Variants in SRFBP1 observed in about 807,000 individuals in gnomAD.
SRFBP1 encodes serum response factor-binding protein 1.
A neutral mutation model predicts 45.5 loss-of-function variants in SRFBP1; 47 were observed. That is an observed-to-expected ratio of 1.03 (90% CI 0.82 to 1.32). The LOEUF (loss-of-function observed/expected upper bound fraction) is 1.32. SRFBP1 is among the 40% of genes most tolerant of loss of function. The pLI, the probability that SRFBP1 is intolerant of heterozygous loss-of-function variation, is 0.00. For synonymous variants in SRFBP1, 203 were observed against 166.3 expected (o/e 1.22, Z -1.70); for missense variants, 621 against 484.6 (o/e 1.28, Z -2.64).
At chr5:122,013,727 A>G (rs1753140769) in intron 4 of SRFBP1, among the ~76,000 whole-genome samples, 1 of 152,186 alleles carries the variant, frequency 6.6e-6, no homozygotes. Flanking sequence ...ATTACAAAGA[A>G]CAAAAAGTCT....
chr5:122,057,925 C>A (rs867004928), intron 2 of SRFBP1, among the ~76,000 whole-genome samples: 2 of 152,098 alleles, frequency 1.3e-5, no homozygotes, highest in Non-Finnish European at 2.9e-5. Flanking sequence ...GCAATTCTCC[C>A]TCCTCAGCCT....
At chr5:122,005,142 T>C (rs1049599023) in intron 4 of SRFBP1, among the ~76,000 whole-genome samples, 3 of 152,196 alleles carry the variant, frequency 2.0e-5, no homozygotes, top group African/African-American at 7.2e-5. Context: ...AAATGTTCTG[T>C]AGATGTCTAT....
At chr5:122,002,156 G>C (rs1462483283) in intron 4 of SRFBP1, among the ~76,000 whole-genome samples, 1 of 152,120 alleles carries the variant, frequency 6.6e-6, no homozygotes, top group Non-Finnish European at 1.5e-5. Context: ...TTTTGATTGG[G>C]AGAGAATTAC....
chr5:122,038,501 AGTTTGCAAGCAAAACAAAAAT>A (rs1339584948), intron 2 of SRFBP1, among the ~76,000 whole-genome samples: 12 of 152,230 alleles, frequency 7.9e-5, no homozygotes, highest in African/African-American at 2.7e-4. Flanking sequence ...ATCATTTACT[AGTTTGCAAGCAAAACAAAAAT>A]GAAAAGCAAA....
intron 4 of SRFBP1, among the ~76,000 whole-genome samples, chr5:121,995,500 G>A (rs1033819012): frequency 2.6e-5 from 4 of 152,020 alleles, no homozygotes; most frequent in African/African-American, 7.2e-5. Context: ...GAATCTCTGG[G>A]ACACATTCAA....
At position 122,070,602 on chromosome 5, in the gene SRFBP1, A is replaced by G. The variant is rs2979866; in HGVS notation, n.312-4713A>G. 6 of 1,451,936 alleles carry G rather than the reference A, an allele frequency of 4.1e-6. No homozygotes were observed. The African/African-American group carries it at 7.0e-5, about 17-fold the overall frequency. The allele number at this position is 1,451,936 out of a possible 1,614,324, so 89.9% of individuals were successfully genotyped here. On this transcript the variant is annotated intron_variant and non_coding_transcript_variant, in intron 2 of 2. Transcript: ENST00000504881. ...CAGGACTCAATCCCTAAGATAAACA[A>G]AATAAAAAATTTAAAATTATGGTAT... is the stretch of plus-strand genomic sequence containing the variant.
At chr5:122,077,584 G>C, downstream of SRFBP1, 1 of 1,612,722 alleles carries the variant, frequency 6.2e-7, no homozygotes, top group South Asian at 1.1e-5. The surrounding 1 kb of genome is among the most constrained non-coding windows in gnomAD (Gnocchi z 4.9). Context: ...CAGCTTCGCG[G>C]GCTCTAGATG....
chr5:122,068,794 CAG>C (rs1754371551), intron 2 of SRFBP1, among the ~76,000 whole-genome samples: 2 of 151,906 alleles, frequency 1.3e-5, no homozygotes, highest in South Asian at 2.1e-4. Context: ...CATCAACAAA[CAG>C]TACAAAAATG....
downstream of SRFBP1, chr5:122,075,647 A>C (rs866734707): frequency 2.9e-6 from 2 of 699,596 alleles, no homozygotes; most frequent in African/African-American, 1.8e-5. Context: ...CTCCTTTCCC[A>C]ACTAGACTAT....
chr5:121,980,908 A>G (rs1013182804), intron 3 of SRFBP1, among the ~76,000 whole-genome samples: 3 of 152,110 alleles, frequency 2.0e-5, no homozygotes, highest in African/African-American at 4.8e-5. Context: ...CGGATAAAGT[A>G]TCCTGAATTC....
Position 122,020,108 on chromosome 5 carries a change from G to T in SRFBP1, c.373G>T (p.Glu125Ter). The change falls in exon 6 of 8, where the codon GAA (glutamate) becomes TAA (stop). Residue 125 changes from glutamate (E) to a stop codon, truncating the protein, a stop_gained. Transcript: ENST00000339397. LOFTEE classifies it high-confidence loss of function. ...VLKAAVQAFK[E>*]ARQNVAEVES... Reference sequence around the variant, plus strand: ...TGCAGCTGCTGTACAAGCCTTTAAAGAAGCAAGACAAAATGTTGCTGAAGT... The same window carrying T: ...TGCAGCTGCTGTACAAGCCTTTAAATAAGCAAGACAAAATGTTGCTGAAGT... 1 of 1,571,014 alleles carries T rather than the reference G, an allele frequency of 6.4e-7. No individual in the cohort carries two copies. Among genetic ancestry groups the T allele is most frequent in the South Asian group, 1.2e-5 (1 of 82,356 alleles).
intron 2 of SRFBP1, among the ~76,000 whole-genome samples, chr5:122,041,713 G>A (rs1753775778): frequency 6.6e-6 from 1 of 151,752 alleles, no homozygotes; most frequent in African/African-American, 2.4e-5. Flanking sequence ...TTTCTCTGTT[G>A]TTTCTCTTGT....
intron 4 of SRFBP1, among the ~76,000 whole-genome samples, chr5:122,011,688 CAT>C (rs1184986782): frequency 2.0e-5 from 3 of 152,074 alleles, no homozygotes; most frequent in South Asian, 2.1e-4. Context: ...TGTGTGTCCT[CAT>C]GTGTAAGACA....
At chr5:122,005,810 T>G (rs1227587862) in intron 4 of SRFBP1, among the ~76,000 whole-genome samples, 1 of 152,170 alleles carries the variant, frequency 6.6e-6, no homozygotes, top group Non-Finnish European at 1.5e-5. Flanking sequence ...CTGTATACTT[T>G]TATTCCTCCT....
At chr5:122,053,465 CAACT>C (rs1754024993) in intron 2 of SRFBP1, among the ~76,000 whole-genome samples, 1 of 152,134 alleles carries the variant, frequency 6.6e-6, no homozygotes, top group African/African-American at 2.4e-5. Context: ...CTGCACCCTC[CAACT>C]GAGTTCATGC....
At chr5:122,001,115 A>T (rs996275841) in intron 4 of SRFBP1, among the ~76,000 whole-genome samples, 9 of 152,052 alleles carry the variant, frequency 5.9e-5, no homozygotes, top group African/African-American at 2.2e-4. Flanking sequence ...TGCTTTTGAG[A>T]ATCACTATTC....
chr5:121,962,143 G>A, intron 1 of SRFBP1, 75 bp downstream of exon 1: 1 of 1,589,332 alleles, frequency 6.3e-7, no homozygotes, highest in Non-Finnish European at 8.6e-7. Context: ...GTGGTCGGAG[G>A]CGGGCATAGA....
chr5:122,002,359 C>G (rs1421949404), intron 4 of SRFBP1, among the ~76,000 whole-genome samples: 2 of 152,200 alleles, frequency 1.3e-5, no homozygotes, highest in Admixed American at 1.3e-4. Context: ...TTAATTATGA[C>G]AAATACTGGA....
chr5:122,008,031 G>A (rs1370390121), intron 4 of SRFBP1, among the ~76,000 whole-genome samples: 15 of 152,148 alleles, frequency 9.9e-5, no homozygotes, highest in Non-Finnish European at 2.9e-5. Context: ...GGGTTTGTAG[G>A]ATCCTGCCTG....
Sources: gnomAD v4.1 joint callset for allele counts (sites outside exome capture counted in the v4.1 genomes callset) on GRCh38, gnomAD v4.1.1 for gene constraint, Gnocchi (gnomAD v3.1) non-coding constraint, MANE v1.5 for transcripts, NCBI Gene and HGNC (gene_info 2026-07-23, HGNC 2026-07-21) for gene names.